Variants in GALNT13 observed in about 807,000 individuals in gnomAD.
The protein encoded by GALNT13 is polypeptide N-acetylgalactosaminyltransferase 13.
In GALNT13, 28 loss-of-function variants were observed where a neutral mutation model predicts 64.2. The ratio of observed to expected loss-of-function variants is 0.44; its 90% CI spans 0.32 to 0.60. GALNT13 has a LOEUF of 0.60. GALNT13 is among the 20% of genes least tolerant of loss of function. The probability of loss-of-function intolerance (pLI) is 0.05; values close to 1 mark genes in which losing one functional copy is unlikely to be tolerated. For missense variants in GALNT13, 577 were observed against 669.8 expected (o/e 0.86, Z 1.53); for synonymous variants, 214 against 224.6 (o/e 0.95, Z 0.42).
chr2:154,412,937 A>C (rs1265018854), intron 11 of GALNT13, among the ~76,000 whole-genome samples: 1 of 151,910 alleles, frequency 6.6e-6, no homozygotes, highest in Admixed American at 6.6e-5. Flanking sequence ...AATCATTAAC[A>C]CTTTGAAAAG....
In GALNT13 at chr2:154,048,566, A is replaced by G. The variant is rs529691238; in HGVS notation, c.143-91771A>G. Among the ~76,000 whole-genome samples the G allele has an allele frequency of 6.6e-5, 10 of 152,326 alleles. No homozygotes were observed. In the South Asian group the frequency reaches 1.4e-3, roughly 22 times the overall value. ...AAGGAGGTCATCTACAGTGTAACTCATAATTTCTCTCACTGTGTCATAAGG... is the reference window on the plus strand; with the variant it reads ...AAGGAGGTCATCTACAGTGTAACTCGTAATTTCTCTCACTGTGTCATAAGG... On this transcript the variant is annotated intron_variant, in intron 3 of 12. Transcript: ENST00000392825.
the GALNT13 span, among the ~76,000 whole-genome samples, chr2:153,101,271 A>G: frequency 5.9e-5 from 9 of 152,146 alleles, no homozygotes; most frequent in Non-Finnish European, 1.3e-4. Context: ...GTGCTTAAAA[A>G]TTCTCAAGTG....
chr2:153,933,788 G>T (rs1489723993), intron 2 of GALNT13, among the ~76,000 whole-genome samples: 3 of 151,896 alleles, frequency 2.0e-5, no homozygotes, highest in Non-Finnish European at 2.9e-5. Flanking sequence ...TTGTAAAGTG[G>T]GTCTGTGATA....
chr2:153,616,263 G>A, the GALNT13 span, among the ~76,000 whole-genome samples: 2 of 151,770 alleles, frequency 1.3e-5, no homozygotes, highest in African/African-American at 4.8e-5. Context: ...TTGTTTCTGG[G>A]TTGTCTATTC....
chr2:153,625,287 A>G, the GALNT13 span, among the ~76,000 whole-genome samples: 1 of 152,052 alleles, frequency 6.6e-6, no homozygotes, highest in African/African-American at 2.4e-5. Flanking sequence ...ATTACCTAAA[A>G]ATTAAGAAAG....
chr2:153,178,621 T>G, the GALNT13 span, among the ~76,000 whole-genome samples: 3 of 152,110 alleles, frequency 2.0e-5, no homozygotes, highest in African/African-American at 7.2e-5. Flanking sequence ...CTTTATTGGA[T>G]GTATGGCTTG....
At chr2:153,540,458 C>T in the GALNT13 span, among the ~76,000 whole-genome samples, 1 of 152,216 alleles carries the variant, frequency 6.6e-6, no homozygotes, top group African/African-American at 2.4e-5. Context: ...GGGGTTGGAG[C>T]TCCCACACAG....
At chr2:153,630,403 AAAAC>A in the GALNT13 span, among the ~76,000 whole-genome samples, 28 of 150,886 alleles carry the variant, frequency 1.9e-4, no homozygotes, top group African/African-American at 6.6e-4. Flanking sequence ...CAAGGACAAA[AAAAC>A]AAACACCGCA....
intron 9 of GALNT13, among the ~76,000 whole-genome samples, chr2:154,304,137 A>G (rs1295821688): frequency 2.6e-5 from 4 of 152,324 alleles, no homozygotes; most frequent in African/African-American, 9.6e-5. Flanking sequence ...GCATCGCTAT[A>G]TAAAGAATGG....
chr2:153,214,093 T>C, the GALNT13 span, among the ~76,000 whole-genome samples: 1 of 152,216 alleles, frequency 6.6e-6, no homozygotes, highest in African/African-American at 2.4e-5. Flanking sequence ...TTCTGTATTA[T>C]TCAGCAAAAG....
chr2:153,266,730 T>C, the GALNT13 span, among the ~76,000 whole-genome samples: 1 of 152,254 alleles, frequency 6.6e-6, no homozygotes, highest in Non-Finnish European at 1.5e-5. Flanking sequence ...GTGGGGATTA[T>C]GGGGATTACA....
chr2:154,456,461 G>T (rs371670204), downstream of GALNT13, among the ~76,000 whole-genome samples: 63 of 151,654 alleles, frequency 4.2e-4, no homozygotes, highest in African/African-American at 1.5e-3. Flanking sequence ...GAAAATAAAT[G>T]GTTAACATTT....
chr2:153,799,600 A>G, the GALNT13 span, among the ~76,000 whole-genome samples: 1 of 152,170 alleles, frequency 6.6e-6, no homozygotes, highest in Non-Finnish European at 1.5e-5. Context: ...CTGCCATTAT[A>G]GTAACTATAG....
At chr2:153,316,639 C>CAAAAAAAAAAAAAAAAAA in the GALNT13 span, among the ~76,000 whole-genome samples, 276 of 69,758 alleles carry the variant, frequency 4.0e-3, 16 homozygotes, top group South Asian at 5.2e-3. Context: ...GACTCCGTCT[C>CAAAAAAAAAAAAAAAAAA]AAAAAAAAAA....
At chr2:153,848,571 A>G in the GALNT13 span, among the ~76,000 whole-genome samples, 5 of 152,202 alleles carry the variant, frequency 3.3e-5, no homozygotes, top group South Asian at 6.2e-4. Context: ...AATATTAATT[A>G]CTGTAGTAAA....
chr2:153,992,230 A>C (rs895064459), intron 3 of GALNT13, among the ~76,000 whole-genome samples: 1 of 152,206 alleles, frequency 6.6e-6, no homozygotes. Context: ...TGTGAAGTAA[A>C]AGAATTAGAA....
At chr2:154,231,824 G>A (rs1688934049) in intron 4 of GALNT13, among the ~76,000 whole-genome samples, 2 of 149,208 alleles carry the variant, frequency 1.3e-5, no homozygotes, top group Non-Finnish European at 3.0e-5. Context: ...AACCTATTTT[G>A]TTTGGTTTTA....
intron 9 of GALNT13, among the ~76,000 whole-genome samples, chr2:154,392,878 G>T (rs925220662): frequency 6.6e-6 from 1 of 152,226 alleles, no homozygotes; most frequent in African/African-American, 2.4e-5. Flanking sequence ...GATAGGAGAA[G>T]TTAGGACCAG....
chr2:153,292,869 ATT>A, the GALNT13 span, among the ~76,000 whole-genome samples: 1 of 152,134 alleles, frequency 6.6e-6, no homozygotes, highest in Non-Finnish European at 1.5e-5. Flanking sequence ...GTATATATAT[ATT>A]TATATATCTA....
Sources: gnomAD v4.1 joint callset for allele counts (sites outside exome capture counted in the v4.1 genomes callset) on GRCh38, gnomAD v4.1.1 for gene constraint, MANE v1.5 for transcripts, NCBI Gene and HGNC (gene_info 2026-07-23, HGNC 2026-07-21) for gene names.